Variants in SUGCT observed in about 807,000 individuals in gnomAD.
The protein encoded by SUGCT is succinyl-CoA:glutarate-CoA transferase.
Under a neutral mutation model 55.0 loss-of-function variants are expected in SUGCT, and 41 were observed. The ratio of observed to expected loss-of-function variants is 0.74; its 90% CI spans 0.58 to 0.97. SUGCT has a LOEUF of 0.97. Among genes scored for constraint, SUGCT ranks in the 50% least tolerant of loss-of-function variants. SUGCT has a pLI of 0.00. For missense variants in SUGCT, 568 were observed against 547.8 expected, an observed-to-expected ratio of 1.04 and a Z score of -0.37; for synonymous variants, 187 against 200.4, an observed-to-expected ratio of 0.93 and a Z score of 0.56.
chr7:40,968,263 A>G, the SUGCT span: 9 of 152,334 alleles, frequency 5.9e-5, no homozygotes, highest in East Asian at 1.7e-3. Context: ...ACAACAAATA[A>G]TTTACAACAA....
At chr7:40,820,133 T>C (rs927535695) in intron 13 of SUGCT, among the ~76,000 whole-genome samples, 5 of 152,238 alleles carry the variant, frequency 3.3e-5, no homozygotes, top group African/African-American at 1.2e-4. Flanking sequence ...ATCTCTGTTT[T>C]GGTACCAGTA....
intron 12 of SUGCT, among the ~76,000 whole-genome samples, chr7:40,648,106 A>C (rs1800612905): frequency 6.6e-6 from 1 of 152,240 alleles, no homozygotes; most frequent in African/African-American, 2.4e-5. Flanking sequence ...AACTGTAATA[A>C]AATATTTAAA....
chr7:40,943,242 T>TC, the SUGCT span, among the ~76,000 whole-genome samples: 51 of 151,368 alleles, frequency 3.4e-4, no homozygotes, highest in Non-Finnish European at 6.0e-4. Flanking sequence ...TAAATTTCCT[T>TC]CCCCCCCTTG....
chr7:40,897,394 C>T, the SUGCT span, among the ~76,000 whole-genome samples: 1 of 150,490 alleles, frequency 6.6e-6, no homozygotes, highest in Non-Finnish European at 1.5e-5. Context: ...TAAATATATA[C>T]AATTTTTGTC....
chr7:40,704,408 C>T (rs1305843777), intron 12 of SUGCT, among the ~76,000 whole-genome samples: 2 of 152,010 alleles, frequency 1.3e-5, no homozygotes, highest in Non-Finnish European at 2.9e-5. Flanking sequence ...ACCAAGTGGA[C>T]AATAAGACCC....
At chr7:40,590,385 A>G (rs1797647277) in intron 12 of SUGCT, among the ~76,000 whole-genome samples, 1 of 152,238 alleles carries the variant, frequency 6.6e-6, no homozygotes, top group South Asian at 2.1e-4. Flanking sequence ...TGAACAAAGC[A>G]TGTAGAAAGC....
At chr7:40,817,502 G>A (rs886107931) in intron 13 of SUGCT, among the ~76,000 whole-genome samples, 6 of 152,150 alleles carry the variant, frequency 3.9e-5, no homozygotes, top group Non-Finnish European at 5.9e-5. Flanking sequence ...GGGGATTTAG[G>A]ATAACAATTA....
chr7:40,955,815 G>T, the SUGCT span, among the ~76,000 whole-genome samples: 1 of 152,076 alleles, frequency 6.6e-6, no homozygotes, highest in Non-Finnish European at 1.5e-5. Context: ...TCAATACCTA[G>T]TTTATTGAGA....
chr7:41,034,920 C>G, the SUGCT span, among the ~76,000 whole-genome samples: 4 of 152,178 alleles, frequency 2.6e-5, no homozygotes, highest in African/African-American at 9.7e-5. Flanking sequence ...TAGCGTGGTT[C>G]TGCTCCAGCT....
intron 13 of SUGCT, among the ~76,000 whole-genome samples, chr7:40,810,201 C>G (rs1055462510): frequency 6.6e-6 from 1 of 151,926 alleles, no homozygotes; most frequent in African/African-American, 2.4e-5. Context: ...TCATGGCTCA[C>G]TGTAGCCTCA....
intron 13 of SUGCT, among the ~76,000 whole-genome samples, chr7:40,823,583 A>T (rs565266803): frequency 6.6e-6 from 1 of 152,142 alleles, no homozygotes. Context: ...TATTATAAAC[A>T]GTAGTTGGAA....
At chr7:41,032,648 G>A in the SUGCT span, among the ~76,000 whole-genome samples, 2 of 152,204 alleles carry the variant, frequency 1.3e-5, no homozygotes, top group Non-Finnish European at 2.9e-5. Flanking sequence ...TAAGCCACAG[G>A]AGACTAATTT....
intron 12 of SUGCT, among the ~76,000 whole-genome samples, chr7:40,610,219 G>A (rs764967612): frequency 2.0e-5 from 3 of 152,110 alleles, no homozygotes; most frequent in Non-Finnish European, 2.9e-5. Context: ...TGTAGCATCC[G>A]CATGTAAGTC....
chr7:40,367,545 A>G (rs900138822), intron 9 of SUGCT, among the ~76,000 whole-genome samples: 4 of 151,584 alleles, frequency 2.6e-5, no homozygotes, highest in African/African-American at 7.2e-5. Context: ...AAAACACTTA[A>G]TTTTTTTTTC....
chr7:40,261,362 G>A (rs1052004046), intron 7 of SUGCT, among the ~76,000 whole-genome samples: 10 of 152,176 alleles, frequency 6.6e-5, no homozygotes, highest in Non-Finnish European at 1.2e-4. Context: ...CTATTAGCAT[G>A]ATGGAGTAGA....
At chr7:40,246,592 AG>A (rs965778802) in intron 7 of SUGCT, among the ~76,000 whole-genome samples, 6 of 138,864 alleles carry the variant, frequency 4.3e-5, no homozygotes, top group African/African-American at 1.7e-4. Context: ...GTTTAATTGA[AG>A]GCTTGCTTTT....
the SUGCT span, among the ~76,000 whole-genome samples, chr7:40,978,791 G>T: frequency 7.9e-5 from 12 of 152,168 alleles, no homozygotes; most frequent in Non-Finnish European, 1.8e-4. Flanking sequence ...TGGAGTGGAG[G>T]CGATGAAGCC....
At chr7:40,617,952 A>C (rs138807064) in intron 12 of SUGCT, among the ~76,000 whole-genome samples, 2 of 152,164 alleles carry the variant, frequency 1.3e-5, no homozygotes, top group Non-Finnish European at 2.9e-5. Flanking sequence ...TTGAGAGAAA[A>C]AAGTATTTTT....
At chr7:40,554,084 A>G (rs980039550) in intron 12 of SUGCT, among the ~76,000 whole-genome samples, 7 of 152,328 alleles carry the variant, frequency 4.6e-5, no homozygotes, top group Middle Eastern at 3.4e-3. Context: ...TGGCTTTTCT[A>G]CTTAAAAGCT....
Sources: gnomAD v4.1 joint callset for allele counts (sites outside exome capture counted in the v4.1 genomes callset) on GRCh38, gnomAD v4.1.1 for gene constraint, MANE v1.5 for transcripts, NCBI Gene and HGNC (gene_info 2026-07-23, HGNC 2026-07-21) for gene names.